Variants in ZNF454 observed in about 807,000 individuals in gnomAD.
ZNF454 encodes zinc finger protein 454.
In ZNF454, 30 loss-of-function variants were observed where a neutral mutation model predicts 48.2. That is an observed-to-expected ratio of 0.62 (90% CI 0.47 to 0.84). ZNF454 has a LOEUF of 0.84. ZNF454 is among the 40% of genes least tolerant of loss of function. ZNF454 has a pLI of 0.00. For missense variants in ZNF454, 510 were observed against 623.1 expected (o/e 0.82, Z 1.93); for synonymous variants, 204 against 211.4 (o/e 0.97, Z 0.30).
At chr5:178,977,572 C>CT in the ZNF454 span, 5,373 of 183,112 alleles carry the variant, frequency 0.029, 3 homozygotes, top group South Asian at 0.076. Context: ...ATTCAGTCTT[C>CT]TTTTTTTTTT....
At position 178,965,261 on chromosome 5, in the gene ZNF454, A is replaced by G; in HGVS notation, c.857A>G (p.His286Arg). 1 of 1,614,188 alleles carries G rather than the reference A, an allele frequency of 6.2e-7. No homozygotes were observed. Among genetic ancestry groups the G allele is most frequent in the Non-Finnish European group, 8.5e-7 (1 of 1,180,032 alleles). Residue 286 changes from histidine (H) to arginine (R), a missense_variant, in exon 5 of 5, where the codon CAC becomes CGC. Physicochemically the swap from His to Arg is conservative, Grantham distance 29. This residue lies in a region of ZNF454 where 354 missense variants were observed against 408.9 expected (regional missense o/e 0.87). Coordinates refer to ENST00000519564, the MANE Select transcript of ZNF454 (RefSeq NM_001178089.3). The surrounding 1 kb of genome is among the most constrained non-coding windows in gnomAD (Gnocchi z 5.2). ...LCGKAFIRNIHLAHHHRIHTG... is the reference protein window; with the variant it reads ...LCGKAFIRNIRLAHHHRIHTG... ...GGAAAAGCTTTTATCCGAAATATAC[A>G]CCTTGCCCATCATCATAGAATACAT...
downstream of ZNF454, chr5:178,968,624 C>A (rs978134222): frequency 2.7e-6 from 1 of 367,922 alleles, no homozygotes; most frequent in Non-Finnish European, 5.5e-6. Flanking sequence ...GCAGCTGACA[C>A]CCTCAGATTC....
chr5:178,989,232 C>T, the ZNF454 span: 4 of 1,374,016 alleles, frequency 2.9e-6, no homozygotes, highest in Non-Finnish European at 4.1e-6. Context: ...CCTCCCCACC[C>T]TCCCCACCCT....
chr5:178,943,236 G>C (rs903581044), intron 2 of ZNF454, among the ~76,000 whole-genome samples: 4 of 152,200 alleles, frequency 2.6e-5, no homozygotes. Context: ...AGGAAGCATG[G>C]TGTCAGCATC....
the ZNF454 span, chr5:178,989,953 T>C: frequency 4.9e-6 from 1 of 206,120 alleles, no homozygotes; most frequent in East Asian, 1.2e-4. Flanking sequence ...GATGCCTTTA[T>C]CGCTAAAACT....
chr5:178,984,653 T>C, the ZNF454 span, among the ~76,000 whole-genome samples: 1 of 152,080 alleles, frequency 6.6e-6, no homozygotes, highest in African/African-American at 2.4e-5. Context: ...AGAGGGCACC[T>C]TCTCAGGATG....
At chr5:178,957,177 C>T (rs1398799298) in intron 4 of ZNF454, among the ~76,000 whole-genome samples, 2 of 144,432 alleles carry the variant, frequency 1.4e-5, no homozygotes, top group African/African-American at 2.4e-5. Context: ...CCACCGCGCC[C>T]GGCCCAGTCT....
chr5:178,985,486 G>T, the ZNF454 span: 12 of 341,220 alleles, frequency 3.5e-5, no homozygotes, highest in Non-Finnish European at 5.7e-5. Context: ...GGCGGATCAC[G>T]AGGTCAGGAG....
At chr5:178,976,400 G>A in the ZNF454 span, among the ~76,000 whole-genome samples, 1 of 152,180 alleles carries the variant, frequency 6.6e-6, no homozygotes. Flanking sequence ...TATCCCAGGT[G>A]CTTAGCACAG....
At chr5:178,972,509 G>A in the ZNF454 span, among the ~76,000 whole-genome samples, 3 of 152,148 alleles carry the variant, frequency 2.0e-5, no homozygotes, top group South Asian at 2.1e-4. Flanking sequence ...CTGGGGCCAC[G>A]TGCTCACCTG....
rs1759229466 is a variant in ZNF454 at position 178,944,299 on chromosome 5, C to T, written c.33+1475C>T. Among the ~76,000 whole-genome samples the T allele has an allele frequency of 1.3e-5, 2 of 152,170 alleles. No homozygotes were observed. The highest frequency in any genetic ancestry group is 4.8e-5 in the African/African-American group (2 of 41,440). ...CCCTTCTCATGCACCACTTTTTCTG[C>T]AAAACCTGTCCGCACCCACAGTGCC... On this transcript the variant is annotated intron_variant, in intron 2 of 4. Coordinates refer to ENST00000519564, the MANE Select transcript of ZNF454 (RefSeq NM_001178089.3). The surrounding 1 kb of genome is among the most constrained non-coding windows in gnomAD (Gnocchi z 4.1).
the ZNF454 span, chr5:178,989,742 G>C: frequency 0.024 from 9,529 of 402,508 alleles, 152 homozygotes; most frequent in African/African-American, 0.044. Flanking sequence ...CTTCTTTCCT[G>C]TTAGGATGCT....
the ZNF454 span, chr5:178,976,284 C>G: frequency 3.8e-6 from 1 of 265,740 alleles, no homozygotes; most frequent in South Asian, 3.7e-5. Flanking sequence ...CTTTAACATA[C>G]AGTGTCATTT....
At chr5:178,942,921 C>A in intron 2 of ZNF454, 97 bp downstream of exon 2, 2 of 1,402,818 alleles carry the variant, frequency 1.4e-6, no homozygotes, top group Non-Finnish European at 1.9e-6. Flanking sequence ...CAATCCAGTC[C>A]CACCCAGACA....
intron 4 of ZNF454, among the ~76,000 whole-genome samples, chr5:178,960,970 C>T (rs1759992611): frequency 6.9e-6 from 1 of 145,290 alleles, no homozygotes; most frequent in Admixed American, 7.1e-5. Context: ...CTCACTCTGT[C>T]GCCAGGCTGG....
chr5:178,952,974 A>G (rs76284751), intron 4 of ZNF454, among the ~76,000 whole-genome samples: 2 of 151,836 alleles, frequency 1.3e-5, no homozygotes, highest in African/African-American at 4.8e-5. Flanking sequence ...ATGAAACTGT[A>G]TGAGGTTTGT....
In ZNF454 at chr5:178,964,809, C is replaced by T. The variant is rs1276335760; in HGVS notation, c.405C>T (p.Ile135=). 6.2e-7 allele frequency: 1 copy of T among 1,614,014 alleles called. No homozygotes were observed. Among genetic ancestry groups the T allele is most frequent in the Non-Finnish European group, 8.5e-7 (1 of 1,180,036 alleles). The part of the protein sequence containing the change: ...LLEWQCGGQE[I]SLQRVVLTHP... ...AGTGGCAATGTGGAGGCCAGGAGAT[C>T]AGTTTGCAGCGAGTGGTACTCACTC... is the stretch of plus-strand genomic sequence containing the variant. Residue 135 remains isoleucine, a synonymous_variant, in exon 5 of 5, where the codon ATC becomes ATT. Transcript: ENST00000519564.
the ZNF454 span, chr5:178,985,715 C>CA: frequency 8.8e-5 from 34 of 384,880 alleles, 1 homozygote; most frequent in South Asian, 3.1e-4. Flanking sequence ...AAAAAAAAAA[C>CA]AAAACAACAC....
the ZNF454 span, among the ~76,000 whole-genome samples, chr5:178,987,653 G>A: frequency 3.9e-5 from 6 of 152,182 alleles, no homozygotes; most frequent in South Asian, 4.1e-4. Flanking sequence ...AGGTGCTGGC[G>A]GGAGGAGGGG....
Sources: allele counts gnomAD v4.1 joint callset (sites outside exome capture counted in the v4.1 genomes callset), GRCh38; gene constraint gnomAD v4.1.1; regional missense constraint gnomAD v4.1.1; non-coding constraint Gnocchi (gnomAD v3.1); transcripts MANE v1.5; gene names NCBI Gene and HGNC (gene_info 2026-07-23, HGNC 2026-07-21).